BBX: variants seen among roughly 807,000 people sequenced by gnomAD.
BBX encodes the protein BBX high mobility group box domain containing.
In BBX, 30 loss-of-function variants were observed where a neutral mutation model predicts 100.2. The ratio of observed to expected loss-of-function variants is 0.30; its 90% CI spans 0.22 to 0.41. BBX has a LOEUF of 0.41. Ranked by LOEUF, BBX falls within the 10% of genes least tolerant of loss-of-function variation. The pLI, the probability that BBX is intolerant of heterozygous loss-of-function variation, is 1.00. For missense variants in BBX, 1,023 were observed against 1,129.8 expected, an observed-to-expected ratio of 0.91 and a Z score of 1.35; for synonymous variants, 376 against 388.1, an observed-to-expected ratio of 0.97 and a Z score of 0.37.
Position 107,806,087 on chromosome 3 carries a change from A to G in BBX, c.*630A>G, listed in dbSNP as rs1405704129. 6.7e-6 allele frequency: 1 copy of G among 150,018 alleles called. No individual in the cohort carries two copies. The highest frequency in any genetic ancestry group is 6.7e-5 in the Admixed American group (1 of 14,962). 9.3% of individuals were successfully genotyped at this position (150,018 alleles called of 1,614,324 possible). A position where few individuals can be genotyped will look rare whatever the true frequency, so the allele number is the denominator to read the frequency against. ...TGGTCCATATATTCTGCACTTTTAT[A>G]TTTGCCACCAGAATGGTAGTTTGCT... On this transcript the variant is annotated 3_prime_UTR_variant, in exon 18 of 18. Coordinates refer to ENST00000325805, the MANE Select transcript of BBX (RefSeq NM_001142568.3).
intron 7 of BBX, among the ~76,000 whole-genome samples, chr3:107,734,855 A>G (rs544123755): frequency 1.3e-5 from 2 of 152,236 alleles, no homozygotes; most frequent in East Asian, 1.9e-4. Flanking sequence ...ATGCAACTCA[A>G]TACTGTGGTG....
chr3:107,631,616 GTCA>G (rs1481832917), intron 2 of BBX, among the ~76,000 whole-genome samples: 1 of 151,064 alleles, frequency 6.6e-6, no homozygotes, highest in Non-Finnish European at 1.5e-5. Flanking sequence ...TGTTTTTAAA[GTCA>G]TCATCATTTT....
At chr3:107,664,067 A>G (rs2058613136) in intron 3 of BBX, among the ~76,000 whole-genome samples, 1 of 152,100 alleles carries the variant, frequency 6.6e-6, no homozygotes, top group Non-Finnish European at 1.5e-5. Flanking sequence ...GGCCTCCCAA[A>G]ATGCTGGGCT....
intron 3 of BBX, among the ~76,000 whole-genome samples, chr3:107,688,013 CCACAG>C (rs1210243573): frequency 6.6e-6 from 1 of 152,096 alleles, no homozygotes; most frequent in African/African-American, 2.4e-5. Flanking sequence ...TGAGATTGCA[CCACAG>C]CACTCTAGCC....
At chr3:107,667,031 G>A (rs1456971242) in intron 3 of BBX, among the ~76,000 whole-genome samples, 2 of 152,312 alleles carry the variant, frequency 1.3e-5, no homozygotes, top group Middle Eastern at 3.4e-3. Context: ...CTGCTTACTT[G>A]ACAAAACTGT....
chr3:107,763,304 A>T (rs1389794), intron 10 of BBX, among the ~76,000 whole-genome samples: 2 of 150,738 alleles, frequency 1.3e-5, no homozygotes, highest in Non-Finnish European at 2.9e-5. Flanking sequence ...GGCTCACTGC[A>T]AGCTCCGCCT....
Position 107,773,392 on chromosome 3 carries a change from T to G in BBX, c.1671T>G (p.Ser557Arg). Residue 557 changes from serine (S) to arginine (R), a missense_variant, in exon 11 of 18, where the codon AGT becomes AGG. By Grantham distance (110) the Ser-to-Arg change is moderately radical (BLOSUM62 -1). Around this residue, in one of 9 missense-constraint regions of BBX, gnomAD observed 348 missense variants for 353.2 expected, o/e 0.99. Transcript: ENST00000325805. The surrounding 1 kb of genome is among the most constrained non-coding windows in gnomAD (Gnocchi z 4.1). ...TKESRPPDFISISASKNISGE... is the reference protein window; with the variant it reads ...TKESRPPDFIRISASKNISGE... Reference sequence around the variant, plus strand: ...AGTCAAGACCTCCAGATTTCATTAGTATTTCTGCTAGCAAGAACATTTCTG... The same window carrying G: ...AGTCAAGACCTCCAGATTTCATTAGGATTTCTGCTAGCAAGAACATTTCTG... 6.2e-7 allele frequency: 1 copy of G among 1,614,116 alleles called. No homozygotes were observed. The highest frequency in any genetic ancestry group is 8.5e-7 in the Non-Finnish European group (1 of 1,180,000).
chr3:107,641,347 A>C (rs2057198604), intron 2 of BBX, among the ~76,000 whole-genome samples: 1 of 152,086 alleles, frequency 6.6e-6, no homozygotes, highest in African/African-American at 2.4e-5. Context: ...GGCCTTCCAA[A>C]GTGCTGGGAT....
chr3:107,555,199 C>T (rs547498743), intron 2 of BBX, among the ~76,000 whole-genome samples: 2 of 152,216 alleles, frequency 1.3e-5, no homozygotes, highest in African/African-American at 2.4e-5. Flanking sequence ...TTCCCACCTC[C>T]TATCTTCTCT....
At chr3:107,779,314 A>G (rs1443680724) in intron 13 of BBX, among the ~76,000 whole-genome samples, 1 of 151,902 alleles carries the variant, frequency 6.6e-6, no homozygotes, top group Non-Finnish European at 1.5e-5. Context: ...ACAGTGAAGG[A>G]CTGTACTACC....
At chr3:107,610,832 G>T (rs1308308618) in intron 2 of BBX, among the ~76,000 whole-genome samples, 1 of 147,408 alleles carries the variant, frequency 6.8e-6, no homozygotes, top group Non-Finnish European at 1.5e-5. Context: ...TTTGATGGGA[G>T]AGTTTAGTCC....
chr3:107,654,538 T>C (rs991501287), intron 3 of BBX, among the ~76,000 whole-genome samples: 2 of 152,212 alleles, frequency 1.3e-5, no homozygotes, highest in Non-Finnish European at 1.5e-5. Context: ...CGAATACTTA[T>C]AAAGATCTTG....
chr3:107,788,518 C>T (rs1417051742), intron 13 of BBX, among the ~76,000 whole-genome samples: 4 of 152,008 alleles, frequency 2.6e-5, no homozygotes, highest in Non-Finnish European at 5.9e-5. Context: ...CACAGTGGCT[C>T]ACACCTGTAA....
intron 5 of BBX, among the ~76,000 whole-genome samples, chr3:107,723,568 A>C (rs973610100): frequency 4.6e-5 from 7 of 151,406 alleles, no homozygotes; most frequent in African/African-American, 1.7e-4. Context: ...GCCTCTCCCC[A>C]CCCCACAACA....
intron 2 of BBX, among the ~76,000 whole-genome samples, chr3:107,564,851 A>G (rs1025013653): frequency 6.6e-6 from 1 of 152,200 alleles, no homozygotes; most frequent in Non-Finnish European, 1.5e-5. Context: ...TTCCAAATGA[A>G]TTTAGAATCG....
At chr3:107,547,908 A>G (rs963928114) in intron 2 of BBX, among the ~76,000 whole-genome samples, 2 of 152,200 alleles carry the variant, frequency 1.3e-5, no homozygotes, top group East Asian at 1.9e-4. Context: ...CTCCTTTTCT[A>G]CTTTCATCAC....
intron 5 of BBX, among the ~76,000 whole-genome samples, chr3:107,721,640 A>G (rs2062543304): frequency 6.6e-6 from 1 of 151,988 alleles, no homozygotes; most frequent in African/African-American, 2.4e-5. Flanking sequence ...AAATATTCAG[A>G]TGTTTGCTTT....
chr3:107,561,946 A>G (rs188776450), intron 2 of BBX, among the ~76,000 whole-genome samples: 117 of 152,356 alleles, frequency 7.7e-4, no homozygotes, highest in African/African-American at 2.8e-3. Flanking sequence ...AAAAGACTTG[A>G]TAGCACAAAC....
At chr3:107,766,913 G>A (rs997233040) in intron 10 of BBX, among the ~76,000 whole-genome samples, 3 of 152,166 alleles carry the variant, frequency 2.0e-5, no homozygotes, top group African/African-American at 4.8e-5. Context: ...CAAGGACATG[G>A]ATGAAGCTGG....
Sources: allele counts gnomAD v4.1 joint callset (sites outside exome capture counted in the v4.1 genomes callset), GRCh38; gene constraint gnomAD v4.1.1; regional missense constraint gnomAD v4.1.1; non-coding constraint Gnocchi (gnomAD v3.1); transcripts MANE v1.5; gene names NCBI Gene and HGNC (gene_info 2026-07-23, HGNC 2026-07-21).